The following TPO variants were observed in gnomAD, a reference collection of about 807,000 sequenced individuals.
TPO encodes the protein thyroid peroxidase.
A neutral mutation model predicts 96.9 loss-of-function variants in TPO; 78 were observed. That is an observed-to-expected ratio of 0.81 (90% CI 0.67 to 0.97). The LOEUF (loss-of-function observed/expected upper bound fraction) is 0.97, where lower values mean the gene tolerates loss of function less well. Ranked by LOEUF, TPO falls within the 50% of genes least tolerant of loss-of-function variation. TPO has a pLI of 0.00. For synonymous variants in TPO, 547 were observed against 538.0 expected (o/e 1.02, Z -0.23); for missense variants, 1,252 against 1,274.8 (o/e 0.98, Z 0.27).
intron 13 of TPO, among the ~76,000 whole-genome samples, chr2:1,500,748 T>C (rs761153577): frequency 3.3e-5 from 5 of 151,940 alleles, no homozygotes; most frequent in Non-Finnish European, 7.4e-5. Context: ...AGGTGGATCA[T>C]GAAGTCAGGA....
intron 11 of TPO, among the ~76,000 whole-genome samples, chr2:1,495,751 T>TCCTTCAGGTCCTCAGTGCCTGCA (rs1195034140): frequency 6.6e-6 from 1 of 151,570 alleles, no homozygotes; most frequent in Non-Finnish European, 1.5e-5. Context: ...CCACAGGGTC[T>TCCTTCAGGTCCTCAGTGCCTGCA]CCTTCAGGTC....
chr2:1,535,462 C>T (rs1411822196), intron 15 of TPO, among the ~76,000 whole-genome samples: 2 of 98,086 alleles, frequency 2.0e-5, no homozygotes, highest in Non-Finnish European at 4.3e-5. Context: ...TGCAACCTCC[C>T]CAAATCAGCC....
intron 13 of TPO, among the ~76,000 whole-genome samples, chr2:1,501,561 C>T (rs1256724691): frequency 7.9e-5 from 12 of 152,306 alleles, no homozygotes; most frequent in Middle Eastern, 3.4e-3. Flanking sequence ...GTTCTAGCCC[C>T]GTGTACCTCT....
intron 10 of TPO, among the ~76,000 whole-genome samples, chr2:1,491,573 C>T (rs1481474763): frequency 1.3e-5 from 2 of 152,212 alleles, no homozygotes; most frequent in Non-Finnish European, 2.9e-5. Context: ...ATTTTGGTTT[C>T]TCACTAGTCT....
At chr2:1,535,915 GTGTGCAACCTCCCCAAATCCCCCACACTA>G (rs1299536249) in intron 15 of TPO, among the ~76,000 whole-genome samples, 1 of 16,628 alleles carries the variant, frequency 6.0e-5, no homozygotes, top group African/African-American at 2.4e-4. Flanking sequence ...CCCAAATCCC[GTGTGCAACCTCCCCAAATCCCCCACACTA>G]TGTGCAACCT....
At chr2:1,498,063 AT>A (rs1254938692) in intron 13 of TPO, among the ~76,000 whole-genome samples, 1 of 152,066 alleles carries the variant, frequency 6.6e-6, no homozygotes, top group Non-Finnish European at 1.5e-5. Context: ...AGTGTGCTCA[AT>A]GCCAGTGAAC....
At chr2:1,401,849 G>C (rs914904513) in intron 1 of TPO, among the ~76,000 whole-genome samples, 1 of 152,178 alleles carries the variant, frequency 6.6e-6, no homozygotes, top group African/African-American at 2.4e-5. Context: ...TTGTCTGACT[G>C]TTAGGATAAA....
intron 7 of TPO, among the ~76,000 whole-genome samples, chr2:1,459,161 T>C (rs1453506750): frequency 6.6e-6 from 1 of 152,148 alleles, no homozygotes; most frequent in Admixed American, 6.5e-5. Flanking sequence ...ATTTTCTTTT[T>C]TTTTTTTTAA....
intron 15 of TPO, among the ~76,000 whole-genome samples, chr2:1,540,073 C>G (rs1002826126): frequency 6.6e-6 from 1 of 152,210 alleles, no homozygotes; most frequent in Non-Finnish European, 1.5e-5. Flanking sequence ...TGCACCGGCC[C>G]CAGCTCTCCA....
At chr2:1,506,614 T>G (rs1238054978) in intron 14 of TPO, among the ~76,000 whole-genome samples, 1 of 152,206 alleles carries the variant, frequency 6.6e-6, no homozygotes, top group African/African-American at 2.4e-5. Flanking sequence ...TGGTTTTGAT[T>G]TGCATTTCTC....
chr2:1,375,455 G>A (rs1267178624), intron 1 of TPO, among the ~76,000 whole-genome samples: 2 of 152,040 alleles, frequency 1.3e-5, no homozygotes, highest in Non-Finnish European at 2.9e-5. Flanking sequence ...AGGGTTTTGG[G>A]AACTTTAAAG....
intron 10 of TPO, among the ~76,000 whole-genome samples, chr2:1,493,205 T>TGGGGGGGGG (rs1671946946): frequency 2.2e-4 from 1 of 4,560 alleles, no homozygotes. Flanking sequence ...TGTGTGTGAG[T>TGGGGGGGGG]GGGTGGGGGG....
chr2:1,537,812 C>A (rs1680177132), intron 15 of TPO, among the ~76,000 whole-genome samples: 1 of 95,328 alleles, frequency 1.0e-5, no homozygotes, highest in Non-Finnish European at 2.2e-5. Flanking sequence ...GTCCCCAAAT[C>A]CCCCCACTGT....
At chr2:1,448,539 T>C (rs1313605112) in intron 5 of TPO, among the ~76,000 whole-genome samples, 1 of 152,198 alleles carries the variant, frequency 6.6e-6, no homozygotes, top group African/African-American at 2.4e-5. Flanking sequence ...CCTTGCACGC[T>C]GTCCACAGCC....
At position 1,484,625 on chromosome 2, in the gene TPO, G is replaced by A; in HGVS notation, c.1368G>A (p.Arg456=). The A allele has an allele frequency of 6.2e-7, 1 of 1,614,082 alleles. No individual in the cohort carries two copies. Among genetic ancestry groups the A allele is most frequent in the Non-Finnish European group, 8.5e-7 (1 of 1,180,028 alleles). ...QIITLRDYIP[R]ILGPEAFQQY... ...TCACCCTGAGGGATTACATCCCCAGGATCCTGGGACCCGAGGCCTTCCAGC... is the reference window on the plus strand; with the variant it reads ...TCACCCTGAGGGATTACATCCCCAGAATCCTGGGACCCGAGGCCTTCCAGC... The change falls in exon 9 of 17, where the codon AGG becomes AGA. Residue 456 remains arginine (R), a synonymous_variant. Transcript: ENST00000329066.
At chr2:1,374,728 T>C (rs1337987416) in intron 1 of TPO, among the ~76,000 whole-genome samples, 1 of 146,770 alleles carries the variant, frequency 6.8e-6, no homozygotes, top group African/African-American at 2.6e-5. Flanking sequence ...TTTCTTTCTT[T>C]TTTTTTTTTT....
At chr2:1,442,445 A>T (rs1666291366) in intron 5 of TPO, among the ~76,000 whole-genome samples, 1 of 152,226 alleles carries the variant, frequency 6.6e-6, no homozygotes, top group South Asian at 2.1e-4. Context: ...AGTGTATTAC[A>T]TATGATTATT....
In TPO at chr2:1,542,496, C is replaced by G; in HGVS notation, c.*22C>G. ...CTGAGGGCAAAGTGGCAGGACACTG[C>G]AGAACAGCTTCATGTTCCCAAAATC... On this transcript the variant is annotated 3_prime_UTR_variant, in exon 17 of 17. Coordinates refer to ENST00000329066, the MANE Select transcript of TPO (RefSeq NM_001206744.2). 4 of 1,614,020 alleles carry G rather than the reference C, an allele frequency of 2.5e-6. No homozygotes were observed. The highest frequency in any genetic ancestry group is 2.2e-5 in the South Asian group (2 of 90,990).
intron 9 of TPO, among the ~76,000 whole-genome samples, chr2:1,486,777 G>A (rs140747044): frequency 1.3e-3 from 191 of 152,054 alleles, no homozygotes; most frequent in African/African-American, 4.4e-3. Flanking sequence ...TGTCTCAAAA[G>A]TTGACCGGCT....
Sources: allele counts gnomAD v4.1 joint callset (sites outside exome capture counted in the v4.1 genomes callset), GRCh38; gene constraint gnomAD v4.1.1; transcripts MANE v1.5; gene names NCBI Gene and HGNC (gene_info 2026-07-23, HGNC 2026-07-21).